The following CTNNA3 variants were observed in gnomAD, a reference collection of about 807,000 sequenced individuals.
CTNNA3 encodes the protein catenin alpha 3.
Under a neutral mutation model 95.7 loss-of-function variants are expected in CTNNA3, and 76 were observed. The ratio of observed to expected loss-of-function variants is 0.79; its 90% CI spans 0.66 to 0.96. The LOEUF is 0.96. Ranked by LOEUF, CTNNA3 falls within the 40% of genes least tolerant of loss-of-function variation. CTNNA3 has a pLI of 0.00. For synonymous variants in CTNNA3, 431 were observed against 374.4 expected, an observed-to-expected ratio of 1.15 and a Z score of -1.74; for missense variants, 1,191 against 1,089.8, an observed-to-expected ratio of 1.09 and a Z score of -1.31.
intron 6 of CTNNA3, among the ~76,000 whole-genome samples, chr10:67,203,566 A>G (rs1183782694): frequency 6.6e-6 from 1 of 152,190 alleles, no homozygotes; most frequent in African/African-American, 2.4e-5. Context: ...TCCAGTCACT[A>G]CAACTGTCAG....
intron 13 of CTNNA3, among the ~76,000 whole-genome samples, chr10:66,156,132 T>C (rs1397085757): frequency 1.3e-5 from 2 of 151,892 alleles, no homozygotes; most frequent in African/African-American, 4.8e-5. Flanking sequence ...GTTAGACTGG[T>C]CAGGCATCTT....
intron 11 of CTNNA3, among the ~76,000 whole-genome samples, chr10:66,446,247 A>T (rs1369816657): frequency 6.6e-6 from 1 of 152,238 alleles, no homozygotes; most frequent in East Asian, 1.9e-4. Context: ...CCAAAGATAC[A>T]AAGAGGAGCT....
intron 7 of CTNNA3, among the ~76,000 whole-genome samples, chr10:67,011,056 G>A (rs112643499): frequency 2.8e-4 from 42 of 152,184 alleles, no homozygotes; most frequent in African/African-American, 4.6e-4. Flanking sequence ...TAGGCCAGGC[G>A]CGGTGGCTCA....
At chr10:67,580,970 G>T (rs1325798834) in intron 3 of CTNNA3, among the ~76,000 whole-genome samples, 3 of 152,096 alleles carry the variant, frequency 2.0e-5, no homozygotes, top group African/African-American at 7.2e-5. Context: ...TGAGACAATG[G>T]GGTTTTCTAG....
intron 11 of CTNNA3, among the ~76,000 whole-genome samples, chr10:66,422,567 T>A (rs1255739891): frequency 1.3e-5 from 2 of 152,176 alleles, no homozygotes; most frequent in African/African-American, 4.8e-5. Context: ...AGGCTGTTTT[T>A]CTATTGTTGA....
At chr10:66,109,559 C>T (rs1362351860) in intron 13 of CTNNA3, among the ~76,000 whole-genome samples, 1 of 152,170 alleles carries the variant, frequency 6.6e-6, no homozygotes. Flanking sequence ...TTTTGGCTCA[C>T]TTGGCCCAAC....
chr10:67,640,504 C>T (rs566842968), intron 2 of CTNNA3, among the ~76,000 whole-genome samples: 2 of 152,332 alleles, frequency 1.3e-5, no homozygotes, highest in African/African-American at 4.8e-5. Context: ...GGAAAAACTA[C>T]TTTAAAGTTC....
At chr10:66,893,240 G>T (rs1203780263) in intron 7 of CTNNA3, among the ~76,000 whole-genome samples, 3 of 152,080 alleles carry the variant, frequency 2.0e-5, no homozygotes, top group Admixed American at 6.6e-5. Flanking sequence ...AAAATATTTT[G>T]AAATGCAGAA....
At chr10:66,619,103 A>G (rs1844643586) in intron 10 of CTNNA3, among the ~76,000 whole-genome samples, 1 of 151,632 alleles carries the variant, frequency 6.6e-6, no homozygotes, top group Non-Finnish European at 1.5e-5. Context: ...ACACTTTTAC[A>G]CTGTTGGTGG....
At chr10:67,277,382 A>C (rs2132433312) in intron 5 of CTNNA3, among the ~76,000 whole-genome samples, 1 of 152,294 alleles carries the variant, frequency 6.6e-6, no homozygotes, top group Middle Eastern at 3.4e-3. Flanking sequence ...AGAAACCTAA[A>C]GTTGGATAAT....
intron 17 of CTNNA3, among the ~76,000 whole-genome samples, chr10:65,929,278 T>C (rs1046235459): frequency 1.3e-5 from 2 of 152,166 alleles, no homozygotes; most frequent in Admixed American, 6.5e-5. Context: ...TCTATCATTG[T>C]TGGACATTTA....
intron 7 of CTNNA3, among the ~76,000 whole-genome samples, chr10:67,104,661 G>C (rs193107158): frequency 5.2e-4 from 76 of 146,842 alleles, no homozygotes; most frequent in African/African-American, 1.9e-3. Context: ...AACTCCACAA[G>C]TGCAAGTAAT....
chr10:66,676,275 T>C lies in CTNNA3; in HGVS notation c.1282-54491A>G, dbSNP rs529720085. 3.3e-5 allele frequency among the ~76,000 whole-genome samples: 5 copies of C among 152,188 alleles called. No homozygotes were observed. In the East Asian group the frequency reaches 9.7e-4, roughly 29 times the overall value. ...GGATAGGAAAAGGTATTCAACTTTA[T>C]GCAGTGAAGGAAGCTGTACAGACTC... On this transcript the variant is annotated intron_variant, in intron 9 of 17. Transcript: ENST00000433211.
chr10:66,508,240 T>TCTCA (rs1412144462), intron 11 of CTNNA3, among the ~76,000 whole-genome samples: 3 of 147,952 alleles, frequency 2.0e-5, no homozygotes, highest in East Asian at 4.1e-4. Flanking sequence ...TTTCGTTGAC[T>TCTCA]CTCAGAGTCT....
chr10:67,456,304 T>C (rs1171397300), intron 5 of CTNNA3, among the ~76,000 whole-genome samples: 1 of 152,176 alleles, frequency 6.6e-6, no homozygotes, highest in Non-Finnish European at 1.5e-5. Flanking sequence ...AATTATATGT[T>C]AGTCCATTTA....
chr10:67,175,332 T>C (rs1862191118), intron 7 of CTNNA3, among the ~76,000 whole-genome samples: 1 of 152,174 alleles, frequency 6.6e-6, no homozygotes, highest in African/African-American at 2.4e-5. Flanking sequence ...ATTTCCAAAA[T>C]GCATTTTCAG....
At chr10:67,666,926 A>G (rs1373827320) in intron 1 of CTNNA3, among the ~76,000 whole-genome samples, 3 of 152,188 alleles carry the variant, frequency 2.0e-5, no homozygotes, top group African/African-American at 4.8e-5. Flanking sequence ...AATTGGGTTC[A>G]ATCATCAGAA....
intron 12 of CTNNA3, among the ~76,000 whole-genome samples, chr10:66,340,024 A>G (rs2092437567): frequency 6.6e-6 from 1 of 151,690 alleles, no homozygotes; most frequent in Admixed American, 6.6e-5. Flanking sequence ...TTAATAATAC[A>G]TGTACTAATG....
At chr10:66,344,751 G>A (rs2092489693) in intron 12 of CTNNA3, among the ~76,000 whole-genome samples, 1 of 151,968 alleles carries the variant, frequency 6.6e-6, no homozygotes. Context: ...TCCTTCAGAC[G>A]AACTGACCAA....
Sources: gnomAD v4.1 joint callset for allele counts (sites outside exome capture counted in the v4.1 genomes callset) on GRCh38, gnomAD v4.1.1 for gene constraint, MANE v1.5 for transcripts, NCBI Gene and HGNC (gene_info 2026-07-23, HGNC 2026-07-21) for gene names.